The following TAFA2 variants were observed in gnomAD, a reference collection of about 807,000 sequenced individuals.
The protein encoded by TAFA2 is chemokine-like protein TAFA-2.
A neutral mutation model predicts 18.8 loss-of-function variants in TAFA2; 7 were observed. The observed-to-expected ratio is 0.37, with a 90% CI of 0.21 to 0.70. TAFA2 has a LOEUF of 0.70. Ranked by LOEUF, TAFA2 falls within the 30% of genes least tolerant of loss-of-function variation. The pLI is 0.53. For missense variants in TAFA2, 122 were observed against 158.1 expected (o/e 0.77, Z 1.23); for synonymous variants, 60 against 54.2 (o/e 1.11, Z -0.47).
intron 1 of TAFA2, among the ~76,000 whole-genome samples, chr12:62,052,949 A>G (rs1882094398): frequency 6.6e-6 from 1 of 152,192 alleles, no homozygotes; most frequent in Admixed American, 6.5e-5. Flanking sequence ...ATTAAATTAA[A>G]CTAGCACTGG....
chr12:62,089,510 A>G (rs1241377379), intron 1 of TAFA2, among the ~76,000 whole-genome samples: 1 of 152,002 alleles, frequency 6.6e-6, no homozygotes, highest in Non-Finnish European at 1.5e-5. Context: ...TAGGATATGA[A>G]GAGCACCAGG....
At chr12:61,724,325 TTTTC>T (rs1021897881) in intron 4 of TAFA2, among the ~76,000 whole-genome samples, 7 of 151,906 alleles carry the variant, frequency 4.6e-5, no homozygotes, top group South Asian at 2.1e-4. Context: ...TCTTTTCTCT[TTTTC>T]TTTCTTTCTT....
intron 1 of TAFA2, among the ~76,000 whole-genome samples, chr12:61,869,172 G>T (rs1471387140): frequency 6.6e-6 from 1 of 152,152 alleles, no homozygotes; most frequent in African/African-American, 2.4e-5. Flanking sequence ...ACATGTCAAA[G>T]ATAACATACA....
At chr12:61,817,094 A>G (rs1872117588) in intron 2 of TAFA2, among the ~76,000 whole-genome samples, 1 of 146,806 alleles carries the variant, frequency 6.8e-6, no homozygotes, top group Non-Finnish European at 1.5e-5. Flanking sequence ...TGAGATGGCA[A>G]TATATGAAGC....
At chr12:61,743,854 C>G (rs12304279) in intron 4 of TAFA2, among the ~76,000 whole-genome samples, 1 of 151,574 alleles carries the variant, frequency 6.6e-6, no homozygotes. Context: ...CATGGGAGAA[C>G]GTACATAGGA....
At chr12:62,147,499 G>T (rs945998428) in intron 1 of TAFA2, among the ~76,000 whole-genome samples, 1 of 150,322 alleles carries the variant, frequency 6.7e-6, no homozygotes, top group Non-Finnish European at 1.5e-5. Context: ...GGAGGCTGAG[G>T]CGGGCAGATC....
rs950211040 is a variant in TAFA2, at chr12:62,104,447, C to T, written c.-2+86812G>A. 2.0e-5 allele frequency among the ~76,000 whole-genome samples: 3 copies of T among 152,094 alleles called. No homozygotes were observed. In the South Asian group the frequency reaches 6.2e-4, roughly 32 times the overall value. On this transcript the variant is annotated intron_variant, in intron 1 of 4. Transcript: ENST00000416284. ...TCAAAGTGTTACTTTTTATATTAGC[C>T]CGTGTCTTTTGTTGAGGAGAATTAA...
intron 1 of TAFA2, among the ~76,000 whole-genome samples, chr12:62,151,546 G>A (rs2062328427): frequency 6.6e-6 from 1 of 152,220 alleles, no homozygotes; most frequent in Admixed American, 6.5e-5. Context: ...GTGTCATAGA[G>A]AAAAGACTTG....
At chr12:61,764,319 T>A (rs111317913) in intron 2 of TAFA2, among the ~76,000 whole-genome samples, 1 of 152,046 alleles carries the variant, frequency 6.6e-6, no homozygotes, top group Admixed American at 6.6e-5. Flanking sequence ...TATACAAAAC[T>A]GTAAAGAAAT....
At chr12:62,250,940 A>G (rs2062910480) in intron 1 of TAFA2, among the ~76,000 whole-genome samples, 2 of 133,992 alleles carry the variant, frequency 1.5e-5, no homozygotes. Context: ...CTCAGAGAGC[A>G]GCTGAGTCTC....
chr12:62,041,927 AC>A (rs370707594), intron 1 of TAFA2, among the ~76,000 whole-genome samples: 270 of 152,344 alleles, frequency 1.8e-3, no homozygotes, highest in African/African-American at 6.1e-3. Context: ...TGCTTAAAAT[AC>A]AAAAATACAA....
chr12:61,821,128 T>TACACACACACACAC (rs3034059), intron 2 of TAFA2, among the ~76,000 whole-genome samples: 23 of 146,582 alleles, frequency 1.6e-4, no homozygotes, highest in African/African-American at 5.0e-4. Context: ...TTGATAGGGG[T>TACACACACACACAC]ACACACACAC....
At chr12:62,081,586 G>A (rs1408032480) in intron 1 of TAFA2, among the ~76,000 whole-genome samples, 1 of 152,056 alleles carries the variant, frequency 6.6e-6, no homozygotes, top group East Asian at 1.9e-4. Context: ...CCAGGTTCAA[G>A]TGATTCTCCT....
chr12:62,156,713 G>A (rs11174354), intron 1 of TAFA2, among the ~76,000 whole-genome samples: 148,624 of 152,276 alleles, frequency 0.98, 72,616 homozygotes, highest in Middle Eastern at 1. Context: ...TGGACAACCA[G>A]ACATCATATG....
At chr12:62,116,946 T>C (rs1442550308) in intron 1 of TAFA2, among the ~76,000 whole-genome samples, 1 of 152,148 alleles carries the variant, frequency 6.6e-6, no homozygotes, top group African/African-American at 2.4e-5. Context: ...TAATCCACCA[T>C]GACTGGTATC....
intron 2 of TAFA2, among the ~76,000 whole-genome samples, chr12:61,819,014 C>G (rs1038590325): frequency 6.6e-6 from 1 of 152,170 alleles, no homozygotes; most frequent in Non-Finnish European, 1.5e-5. Context: ...TCATGACTTC[C>G]TAACCTAGTC....
At chr12:61,898,077 C>A (rs943412875) in intron 1 of TAFA2, among the ~76,000 whole-genome samples, 9 of 152,216 alleles carry the variant, frequency 5.9e-5, no homozygotes, top group Admixed American at 3.3e-4. Flanking sequence ...TCTTAAAGCT[C>A]CAAAACAATC....
chr12:62,141,848 T>C (rs952297284), intron 1 of TAFA2, among the ~76,000 whole-genome samples: 1 of 152,160 alleles, frequency 6.6e-6, no homozygotes, highest in Non-Finnish European at 1.5e-5. Context: ...TTCAGTCAAC[T>C]AAGAAAAATT....
intron 1 of TAFA2, among the ~76,000 whole-genome samples, chr12:61,896,500 A>T (rs1357001561): frequency 6.6e-6 from 1 of 152,178 alleles, no homozygotes; most frequent in Non-Finnish European, 1.5e-5. Flanking sequence ...TGTTCACATC[A>T]TTGTTCCTGA....
Sources: gnomAD v4.1 joint callset for allele counts (sites outside exome capture counted in the v4.1 genomes callset) on GRCh38, gnomAD v4.1.1 for gene constraint, MANE v1.5 for transcripts, NCBI Gene and HGNC (gene_info 2026-07-23, HGNC 2026-07-21) for gene names.